The following MYO16 variants were observed in gnomAD, a reference collection of about 807,000 sequenced individuals.
The protein encoded by MYO16 is unconventional myosin-XVI.
MYO16 carries 94 observed loss-of-function variants against 205.3 expected under a neutral mutation model. The observed-to-expected ratio is 0.46, with a 90% confidence interval of 0.39 to 0.54. The LOEUF (loss-of-function observed/expected upper bound fraction) is 0.54. Ranked by LOEUF, MYO16 falls within the 20% of genes least tolerant of loss-of-function variation. MYO16 has a pLI of 0.00. For synonymous variants in MYO16, 988 were observed against 954.0 expected, an observed-to-expected ratio of 1.04 and a Z score of -0.66; for missense variants, 2,315 against 2,387.5, an observed-to-expected ratio of 0.97 and a Z score of 0.63.
At chr13:108,505,408 C>T in the MYO16 span, among the ~76,000 whole-genome samples, 2 of 152,244 alleles carry the variant, frequency 1.3e-5, no homozygotes, top group South Asian at 4.1e-4. Context: ...TTTTAATTTG[C>T]ATTTTCCTGA....
chr13:108,819,675 A>T (rs1435905317), intron 7 of MYO16, among the ~76,000 whole-genome samples: 1 of 152,110 alleles, frequency 6.6e-6, no homozygotes, highest in East Asian at 1.9e-4. Context: ...ATATTATAAT[A>T]ATTTAAAATA....
chr13:108,911,466 C>T (rs1035063613), intron 16 of MYO16, among the ~76,000 whole-genome samples: 2 of 151,822 alleles, frequency 1.3e-5, no homozygotes, highest in African/African-American at 4.8e-5. Flanking sequence ...ATGTGGTGTC[C>T]AAGGGAGATG....
At chr13:108,777,721 C>T (rs1343686007) in intron 4 of MYO16, among the ~76,000 whole-genome samples, 1 of 152,196 alleles carries the variant, frequency 6.6e-6, no homozygotes, top group Non-Finnish European at 1.5e-5. Flanking sequence ...TCTGAAATCT[C>T]TTCTAAGTGG....
At chr13:109,160,815 G>A (rs1053328482) in intron 32 of MYO16, among the ~76,000 whole-genome samples, 7 of 152,186 alleles carry the variant, frequency 4.6e-5, no homozygotes, top group African/African-American at 1.7e-4. Flanking sequence ...CTGAAAGCAT[G>A]CATCATGTAT....
intron 17 of MYO16, 38 bp from the exon 18 acceptor site, chr13:108,961,501 A>T: frequency 6.5e-7 from 1 of 1,533,356 alleles, no homozygotes; most frequent in African/African-American, 1.4e-5. Flanking sequence ...CTTTCTTCTA[A>T]GCACCCTATT....
chr13:108,582,131 A>G, the MYO16 span, among the ~76,000 whole-genome samples: 3 of 152,162 alleles, frequency 2.0e-5, no homozygotes, highest in Non-Finnish European at 4.4e-5. Flanking sequence ...AAATATTTTT[A>G]TGTAAATTAG....
At chr13:108,884,911 C>T (rs1399046015) in intron 13 of MYO16, among the ~76,000 whole-genome samples, 3 of 151,724 alleles carry the variant, frequency 2.0e-5, no homozygotes, top group East Asian at 1.9e-4. Flanking sequence ...ATGAGAAAGG[C>T]ACTGAGACAG....
At chr13:108,805,957 T>TAAATAAATAAATAAATAAATA (rs1053138109) in intron 6 of MYO16, among the ~76,000 whole-genome samples, 1 of 151,224 alleles carries the variant, frequency 6.6e-6, no homozygotes, top group African/African-American at 2.4e-5. Context: ...AATAAATAAA[T>TAAATAAATAAATAAATAAATA]AAAATTAGCT....
intron 4 of MYO16, among the ~76,000 whole-genome samples, chr13:108,736,555 A>G (rs1001345840): frequency 6.6e-6 from 1 of 152,116 alleles, no homozygotes; most frequent in Non-Finnish European, 1.5e-5. Flanking sequence ...ACCTTGTAGT[A>G]TAGTTTGAAG....
At chr13:108,941,506 G>A (rs574530473) in intron 16 of MYO16, among the ~76,000 whole-genome samples, 5 of 151,888 alleles carry the variant, frequency 3.3e-5, no homozygotes, top group African/African-American at 9.7e-5. Context: ...GTGAAACCCC[G>A]TGTCTACTAA....
the MYO16 span, among the ~76,000 whole-genome samples, chr13:108,495,775 G>A: frequency 2.6e-5 from 4 of 151,174 alleles, no homozygotes; most frequent in Admixed American, 1.3e-4. Context: ...CCAGCCTCCA[G>A]CCGGCCTGGC....
chr13:109,084,699 C>T (rs955145611), intron 27 of MYO16, among the ~76,000 whole-genome samples: 7 of 151,878 alleles, frequency 4.6e-5, no homozygotes, highest in African/African-American at 1.7e-4. Context: ...AAAATTTTTT[C>T]TCCCACCTCT....
chr13:109,146,192 A>G (rs1253977749), intron 32 of MYO16, among the ~76,000 whole-genome samples: 1 of 152,240 alleles, frequency 6.6e-6, no homozygotes, highest in East Asian at 1.9e-4. Flanking sequence ...CACATAAGCT[A>G]AATGGAAGTC....
chr13:108,675,612 G>C (rs1174329918), intron 2 of MYO16, among the ~76,000 whole-genome samples: 1 of 152,188 alleles, frequency 6.6e-6, no homozygotes, highest in Non-Finnish European at 1.5e-5. Context: ...TTCATTAAAA[G>C]GGAGTTGCTG....
At chr13:109,111,456 A>T (rs543140908) in intron 28 of MYO16, among the ~76,000 whole-genome samples, 1 of 152,338 alleles carries the variant, frequency 6.6e-6, no homozygotes, top group Admixed American at 6.5e-5. Flanking sequence ...GAATACTGAT[A>T]TGTGAAAGAT....
chr13:108,553,560 A>G, the MYO16 span, among the ~76,000 whole-genome samples: 1 of 152,138 alleles, frequency 6.6e-6, no homozygotes, highest in African/African-American at 2.4e-5. Flanking sequence ...ATTCTCTCAC[A>G]TTACACTGGG....
At chr13:108,571,547 G>A in the MYO16 span, among the ~76,000 whole-genome samples, 3 of 152,084 alleles carry the variant, frequency 2.0e-5, no homozygotes, top group Admixed American at 6.6e-5. Context: ...TGTGGCAAAT[G>A]TGGAAAACGA....
intron 32 of MYO16, among the ~76,000 whole-genome samples, chr13:109,151,421 G>A (rs1016790735): frequency 1.1e-4 from 16 of 152,158 alleles, no homozygotes; most frequent in African/African-American, 3.6e-4. Flanking sequence ...TCTCCTCCAC[G>A]CAAATGACTA....
At chr13:108,925,851 A>C (rs949259860) in intron 16 of MYO16, among the ~76,000 whole-genome samples, 1 of 152,182 alleles carries the variant, frequency 6.6e-6, no homozygotes, top group African/African-American at 2.4e-5. Context: ...TGAGTGGTTC[A>C]GAGTGTGCTT....
Sources: gnomAD v4.1 joint callset for allele counts (sites outside exome capture counted in the v4.1 genomes callset) on GRCh38, gnomAD v4.1.1 for gene constraint, MANE v1.5 for transcripts, NCBI Gene and HGNC (gene_info 2026-07-23, HGNC 2026-07-21) for gene names.